PTPN13: variants seen among roughly 807,000 people sequenced by gnomAD.
PTPN13 encodes protein tyrosine phosphatase non-receptor type 13.
PTPN13 carries 191 observed loss-of-function variants against 284.0 expected under a neutral mutation model. That is an observed-to-expected ratio of 0.67 (90% CI 0.60 to 0.76). The LOEUF (loss-of-function observed/expected upper bound fraction) is 0.76, where lower values mean the gene tolerates loss of function less well. Among genes scored for constraint, PTPN13 ranks in the 30% least tolerant of loss-of-function variants. The pLI, the probability that PTPN13 is intolerant of heterozygous loss-of-function variation, is 0.00. For synonymous variants in PTPN13, 986 were observed against 1,022.3 expected (o/e 0.96, Z 0.68); for missense variants, 2,797 against 2,939.9 (o/e 0.95, Z 1.12).
chr4:86,763,046 C>T lies in PTPN13; in HGVS notation c.3873C>T (p.Thr1291=), dbSNP rs775967044. The T allele has an allele frequency of 2.9e-5, 46 of 1,613,538 alleles. No individual in the cohort carries two copies. The highest frequency in any genetic ancestry group is 1.6e-4 in the Middle Eastern group (1 of 6,084). Residue 1291 remains threonine, a synonymous_variant, in exon 24 of 48, where the codon ACC becomes ACT. Coordinates refer to ENST00000411767, the MANE Select transcript of PTPN13 (RefSeq NM_080683.3). ...CCCCATCTGTAATATCCAAAGCCACCGAGAAAGAGACTTTCACTGATAGTA... is the reference window on the plus strand; with the variant it reads ...CCCCATCTGTAATATCCAAAGCCACTGAGAAAGAGACTTTCACTGATAGTA... ...SPSPSVISKA[T]EKETFTDSNQ...
At chr4:86,791,833 C>T (rs1375666124) in intron 40 of PTPN13, among the ~76,000 whole-genome samples, 1 of 152,124 alleles carries the variant, frequency 6.6e-6, no homozygotes, top group African/African-American at 2.4e-5. Flanking sequence ...GACATCCACA[C>T]CAAAACCCTA....
chr4:86,800,805 T>A lies in PTPN13; in HGVS notation c.6505+1601T>A, dbSNP rs1743940818. ...CTAGACTGTTGGTATGTGTACAACA[T>A]GCATGTCCAGCACTGTAGCCCTTGC... is the stretch of plus-strand genomic sequence containing the variant. On this transcript the variant is annotated intron_variant, in intron 42 of 47. Transcript: ENST00000411767. Among the ~76,000 whole-genome samples the A allele has an allele frequency of 3.3e-5, 5 of 152,242 alleles. No homozygotes were observed. The South Asian group carries it at 1.0e-3, about 32-fold the overall frequency.
chr4:86,712,211 A>G (rs1430550921), intron 7 of PTPN13, among the ~76,000 whole-genome samples: 1 of 151,970 alleles, frequency 6.6e-6, no homozygotes, highest in Admixed American at 6.6e-5. Context: ...GTGTGTCTGA[A>G]TCCTCTAAAA....
chr4:86,795,566 G>A (rs975956399), intron 40 of PTPN13, among the ~76,000 whole-genome samples: 10 of 152,082 alleles, frequency 6.6e-5, no homozygotes, highest in Non-Finnish European at 1.2e-4. Flanking sequence ...TATAAATCAC[G>A]CTACCATAAA....
rs556387237 is a variant in PTPN13 at position 86,601,257 on chromosome 4, C to A, written c.-6+6468C>A. Among the ~76,000 whole-genome samples the A allele has an allele frequency of 2.0e-5, 3 of 151,854 alleles. No homozygotes were observed. The East Asian group carries it at 5.8e-4, about 29-fold the overall frequency. The stretch of plus-strand genomic sequence containing the variant: ...ATAGAAACTTTAGTTTGGGAATGTT[C>A]GGTTATCAAATCTACACCAGATAAA... On this transcript the variant is annotated intron_variant, in intron 1 of 47. Transcript: ENST00000411767.
In PTPN13 at chr4:86,807,659, G is replaced by T. The variant is rs1272608843; in HGVS notation, c.6845G>T (p.Cys2282Phe). 1 of 1,613,988 alleles carries T rather than the reference G, an allele frequency of 6.2e-7. No homozygotes were observed. The highest frequency in any genetic ancestry group is 8.5e-7 in the Non-Finnish European group (1 of 1,179,884). Reference sequence around the variant, plus strand: ...AAAGAAGAGTTCGTTTACATTGCCTGCCAAGGACCACTGCCTACAACTGTT... The same window carrying T: ...AAAGAAGAGTTCGTTTACATTGCCTTCCAAGGACCACTGCCTACAACTGTT... ...VGKEEFVYIA[C>F]QGPLPTTVGD... Residue 2282 changes from cysteine (C) to phenylalanine (F), a missense_variant, in exon 45 of 48, where the codon TGC becomes TTC. By Grantham distance (205) the Cys-to-Phe change is radical (BLOSUM62 -2). Coordinates refer to ENST00000411767, the MANE Select transcript of PTPN13 (RefSeq NM_080683.3).
intron 2 of PTPN13, among the ~76,000 whole-genome samples, chr4:86,648,114 G>A (rs1465233444): frequency 6.6e-6 from 1 of 151,940 alleles, no homozygotes; most frequent in Non-Finnish European, 1.5e-5. Context: ...TTACATACTA[G>A]TTATTTTTGA....
intron 2 of PTPN13, among the ~76,000 whole-genome samples, chr4:86,659,258 T>C: frequency 6.6e-6 from 1 of 152,260 alleles, no homozygotes; most frequent in Middle Eastern, 3.4e-3. Flanking sequence ...GTAACCAGTA[T>C]GAAAAAGTGT....
chr4:86,752,634 T>C (rs1409607077), intron 19 of PTPN13, among the ~76,000 whole-genome samples: 2 of 152,146 alleles, frequency 1.3e-5, no homozygotes, highest in African/African-American at 4.8e-5. Context: ...AAATACTCTA[T>C]AGAAAACATA....
In PTPN13 at chr4:86,780,484, T is replaced by C. The variant is rs1376089148; in HGVS notation, c.5962+12T>C. On this transcript the variant is annotated intron_variant, in intron 36 of 47. Coordinates refer to ENST00000411767, the MANE Select transcript of PTPN13 (RefSeq NM_080683.3). ...AACCAAAGGCAATGGTAAGGATATA[T>C]TCATTTTACTGTACTCTCCTACGGT... The C allele has an allele frequency of 6.5e-7, 1 of 1,546,922 alleles. No individual in the cohort carries two copies. Among genetic ancestry groups the C allele is most frequent in the Non-Finnish European group, 8.9e-7 (1 of 1,121,896 alleles).
At chr4:86,770,224 C>T (rs763470076) in intron 30 of PTPN13, 25 bp downstream of exon 30, 2 of 1,575,484 alleles carry the variant, frequency 1.3e-6, no homozygotes, top group Non-Finnish European at 8.7e-7. Flanking sequence ...AAGTAATTTA[C>T]AGTTTTATAG....
At chr4:86,639,704 A>G (rs1723534161) in intron 2 of PTPN13, among the ~76,000 whole-genome samples, 2 of 152,110 alleles carry the variant, frequency 1.3e-5, no homozygotes, top group Non-Finnish European at 2.9e-5. Context: ...GGGGAAGGAT[A>G]GCATTAGGAG....
In PTPN13 at chr4:86,772,799, G is replaced by A. The variant is rs541113770; in HGVS notation, c.5190G>A (p.Pro1730=). The change falls in exon 32 of 48, where the codon CCG becomes CCA. Residue 1730 remains proline (P), a synonymous_variant. Transcript: ENST00000411767. ...GTAGTAATCCTTCCCCTCTACCACC[G>A]GATATGGCTCCTGGGCAGAGTTATC... is the stretch of plus-strand genomic sequence containing the variant. ...FEDSNPSPLP[P]DMAPGQSYQP... is the part of the protein sequence containing the mutation. 3.1e-6 allele frequency: 5 copies of A among 1,607,018 alleles called. No individual in the cohort carries two copies. The highest frequency in any genetic ancestry group is 1.1e-5 in the South Asian group (1 of 89,328).
At chr4:86,673,231 G>C (rs1197807637) in intron 3 of PTPN13, among the ~76,000 whole-genome samples, 3 of 152,282 alleles carry the variant, frequency 2.0e-5, no homozygotes, top group Middle Eastern at 3.4e-3. Context: ...ATGGCAGGAT[G>C]AAATAAATGC....
At chr4:86,725,324 T>A (rs1482404912) in intron 10 of PTPN13, among the ~76,000 whole-genome samples, 1 of 149,460 alleles carries the variant, frequency 6.7e-6, no homozygotes, top group Non-Finnish European at 1.5e-5. Flanking sequence ...ATCCTTTGGG[T>A]ATATACCCAG....
At chr4:86,625,732 C>G (rs1036350992) in intron 1 of PTPN13, among the ~76,000 whole-genome samples, 1 of 152,062 alleles carries the variant, frequency 6.6e-6, no homozygotes, top group Non-Finnish European at 1.5e-5. Context: ...ACTTTTGGCT[C>G]CTAGAGGCCA....
chr4:86,649,671 G>C (rs1724856057), intron 2 of PTPN13, among the ~76,000 whole-genome samples: 1 of 152,102 alleles, frequency 6.6e-6, no homozygotes. Context: ...GATGCTTCCA[G>C]CTTTGTTCTT....
At chr4:86,706,893 T>C (rs1731831889) in intron 7 of PTPN13, among the ~76,000 whole-genome samples, 1 of 152,188 alleles carries the variant, frequency 6.6e-6, no homozygotes, top group Non-Finnish European at 1.5e-5. Flanking sequence ...AATTCTACTT[T>C]TTTTTCACCT....
In PTPN13 at chr4:86,722,196, C is replaced by T; in HGVS notation, c.1386-16C>T. ...TTTTCCTCCCAATCCTCACCTGTCT[C>T]CTCTTTTCTATATAGCAGACAATAT... On this transcript the variant is annotated splice_polypyrimidine_tract_variant and intron_variant, in intron 9 of 47. Coordinates refer to ENST00000411767, the MANE Select transcript of PTPN13 (RefSeq NM_080683.3). 2 of 1,586,392 alleles carry T rather than the reference C, an allele frequency of 1.3e-6. No homozygotes were observed. The highest frequency in any genetic ancestry group is 1.1e-5 in the South Asian group (1 of 90,410).
Sources: allele counts gnomAD v4.1 joint callset (sites outside exome capture counted in the v4.1 genomes callset), GRCh38; gene constraint gnomAD v4.1.1; transcripts MANE v1.5; gene names NCBI Gene and HGNC (gene_info 2026-07-23, HGNC 2026-07-21).